Variants in SH3GL3 observed in about 807,000 individuals in gnomAD.
The protein encoded by SH3GL3 is endophilin-A3.
A neutral mutation model predicts 47.7 loss-of-function variants in SH3GL3; 33 were observed. That is an observed-to-expected ratio of 0.69 (90% CI 0.52 to 0.92). The LOEUF is 0.92. SH3GL3 is among the 40% of genes least tolerant of loss of function. SH3GL3 has a pLI of 0.00. For missense variants in SH3GL3, 363 were observed against 417.8 expected (o/e 0.87, Z 1.14); for synonymous variants, 155 against 148.8 (o/e 1.04, Z -0.30).
chr15:83,481,091 C>A (rs979907484), intron 1 of SH3GL3, among the ~76,000 whole-genome samples: 6 of 152,090 alleles, frequency 3.9e-5, no homozygotes, highest in African/African-American at 1.4e-4. Flanking sequence ...GGCTGGCCAA[C>A]ATGGCGAAAC....
intron 6 of SH3GL3, among the ~76,000 whole-genome samples, chr15:83,579,883 C>G (rs2059788032): frequency 6.6e-6 from 1 of 152,146 alleles, no homozygotes; most frequent in South Asian, 2.1e-4. Flanking sequence ...GGTGGTCTGA[C>G]CATCCTCTCC....
In SH3GL3 at chr15:83,573,692, G is replaced by C. The variant is rs190958593; in HGVS notation, c.465+994G>C. Among the ~76,000 whole-genome samples, 270 of 152,308 alleles carry C rather than the reference G, an allele frequency of 1.8e-3. 1 individual carries two copies. Among genetic ancestry groups the C allele is most frequent in the African/African-American group, 6.2e-3 (256 of 41,574 alleles). On this transcript the variant is annotated intron_variant, in intron 5 of 8. Transcript: ENST00000427482. Reference sequence around the variant, plus strand: ...TCCCTGCTTGGACCGTGGGCCTTGAGGTGGCTCCATATTCCAGGGGCCAGA... The same window carrying C: ...TCCCTGCTTGGACCGTGGGCCTTGACGTGGCTCCATATTCCAGGGGCCAGA...
At chr15:83,606,790 T>TTAGG (rs1175867264) in intron 8 of SH3GL3, among the ~76,000 whole-genome samples, 1 of 152,244 alleles carries the variant, frequency 6.6e-6, no homozygotes, top group Non-Finnish European at 1.5e-5. Flanking sequence ...TGATTGGACT[T>TTAGG]AATACATTCC....
intron 1 of SH3GL3, among the ~76,000 whole-genome samples, chr15:83,489,786 G>GGACA (rs910677242): frequency 2.0e-5 from 3 of 151,870 alleles, no homozygotes; most frequent in Admixed American, 6.6e-5. Context: ...ACAGCCTGTG[G>GGACA]GACAGGTTTG....
rs376334327 is a variant in SH3GL3, at chr15:83,473,826, C to T, written c.45+26248C>T. Among the ~76,000 whole-genome samples the T allele has an allele frequency of 9.1e-4, 137 of 150,494 alleles. 1 individual carries two copies. The highest frequency in any genetic ancestry group is 3.1e-3 in the African/African-American group (126 of 41,078). ...CCTCCCAAAGTGCTGGGATTACAGA[C>T]GTGAGCCACCGCGCCCGGCCTGTTG... On this transcript the variant is annotated intron_variant, in intron 1 of 8. Coordinates refer to ENST00000427482, the MANE Select transcript of SH3GL3 (RefSeq NM_003027.5).
At chr15:83,610,857 C>T (rs559225940) in intron 8 of SH3GL3, among the ~76,000 whole-genome samples, 3 of 152,210 alleles carry the variant, frequency 2.0e-5, no homozygotes, top group Non-Finnish European at 2.9e-5. Context: ...GTTATTATTT[C>T]GTCCCTGTAG....
At chr15:83,595,666 G>A (rs920289844) in intron 8 of SH3GL3, among the ~76,000 whole-genome samples, 4 of 148,734 alleles carry the variant, frequency 2.7e-5, no homozygotes, top group East Asian at 2.0e-4. Flanking sequence ...TAAATTCAAC[G>A]TCTTTATAGA....
At position 83,447,442 on chromosome 15, in the gene SH3GL3, G is replaced by A. The variant is rs1378973137; in HGVS notation, c.-92G>A. ...GCCCGGCGGAGCCCAGCCGCGGGGG[G>A]ACCGGCCCGGGCTCCCGCTCCCCGA... On this transcript the variant is annotated 5_prime_UTR_variant, in exon 1 of 9. Coordinates refer to ENST00000427482, the MANE Select transcript of SH3GL3 (RefSeq NM_003027.5). The surrounding 1 kb of genome is among the most constrained non-coding windows in gnomAD (Gnocchi z 5.1). 6 of 1,140,474 alleles carry A rather than the reference G, an allele frequency of 5.3e-6. No individual in the cohort carries two copies. The highest frequency in any genetic ancestry group is 5.7e-6 in the Non-Finnish European group (5 of 876,944). The allele number at this position is 1,140,474 out of a possible 1,614,324, so 70.6% of individuals were successfully genotyped here. A position where few individuals can be genotyped will look rare whatever the true frequency, so the allele number is the denominator to read the frequency against.
intron 1 of SH3GL3, among the ~76,000 whole-genome samples, chr15:83,462,672 T>C (rs1391619962): frequency 2.0e-5 from 3 of 152,256 alleles, no homozygotes; most frequent in Non-Finnish European, 2.9e-5. Context: ...TAAAAATATG[T>C]ACCTGATGTC....
At chr15:83,580,692 C>A (rs1463232633) in intron 6 of SH3GL3, among the ~76,000 whole-genome samples, 3 of 152,234 alleles carry the variant, frequency 2.0e-5, no homozygotes, top group Non-Finnish European at 4.4e-5. Flanking sequence ...TTGGCACTTT[C>A]CCCTCCTTGC....
chr15:83,545,090 T>G (rs1297474974), intron 1 of SH3GL3, among the ~76,000 whole-genome samples: 2 of 152,208 alleles, frequency 1.3e-5, no homozygotes, highest in African/African-American at 4.8e-5. Flanking sequence ...TTTTCTATTA[T>G]TATCTCTGTG....
rs1029078223 is a variant in SH3GL3, at chr15:83,521,766, T to G, written c.46-37487T>G. Among the ~76,000 whole-genome samples the G allele has an allele frequency of 1.2e-4, 19 of 152,336 alleles. No individual in the cohort carries two copies. In the Middle Eastern group the frequency reaches 0.01, roughly 82 times the overall value. On this transcript the variant is annotated intron_variant, in intron 1 of 8. Coordinates refer to ENST00000427482, the MANE Select transcript of SH3GL3 (RefSeq NM_003027.5). ...AATGTGAAAATTGGAATGCTCATTT[T>G]GTTGCTACTTCTAGGAACTGTGGCC...
chr15:83,461,854 A>G (rs1265755111), intron 1 of SH3GL3, among the ~76,000 whole-genome samples: 1 of 152,326 alleles, frequency 6.6e-6, no homozygotes, highest in African/African-American at 2.4e-5. Flanking sequence ...AATACTCAGG[A>G]CAAATCTGAT....
intron 8 of SH3GL3, among the ~76,000 whole-genome samples, chr15:83,607,574 G>A (rs2060551573): frequency 6.6e-6 from 1 of 152,162 alleles, no homozygotes; most frequent in African/African-American, 2.4e-5. Flanking sequence ...GAAGGGGGTG[G>A]CCGATAGTCT....
intron 1 of SH3GL3, among the ~76,000 whole-genome samples, chr15:83,529,597 T>G (rs2043576491): frequency 6.6e-6 from 1 of 152,030 alleles, no homozygotes; most frequent in Non-Finnish European, 1.5e-5. Context: ...GGTCCTGTCC[T>G]TAACCTTCTG....
At chr15:83,609,329 A>G (rs1468477013) in intron 8 of SH3GL3, 1 of 456,030 alleles carries the variant, frequency 2.2e-6, no homozygotes, top group South Asian at 1.5e-5. Context: ...CGGGAAGGCC[A>G]TTGACAGCAG....
chr15:83,449,143 G>T (rs756896011), intron 1 of SH3GL3, among the ~76,000 whole-genome samples: 2 of 152,202 alleles, frequency 1.3e-5, no homozygotes, highest in Non-Finnish European at 1.5e-5. Context: ...CCCCCATTTA[G>T]GGACAATGTT....
chr15:83,574,112 G>T (rs1408330990), intron 5 of SH3GL3, among the ~76,000 whole-genome samples: 1 of 152,170 alleles, frequency 6.6e-6, no homozygotes, highest in Non-Finnish European at 1.5e-5. Context: ...GACCTCGGTT[G>T]TGTGATATGG....
chr15:83,479,803 C>A (rs2041262852), intron 1 of SH3GL3, among the ~76,000 whole-genome samples: 1 of 152,134 alleles, frequency 6.6e-6, no homozygotes, highest in Admixed American at 6.5e-5. Flanking sequence ...GGAAGGCTGT[C>A]TCTGCCACCT....
Sources: gnomAD v4.1 joint callset for allele counts (sites outside exome capture counted in the v4.1 genomes callset) on GRCh38, gnomAD v4.1.1 for gene constraint, Gnocchi (gnomAD v3.1) non-coding constraint, MANE v1.5 for transcripts, NCBI Gene and HGNC (gene_info 2026-07-23, HGNC 2026-07-21) for gene names.